Variants in MAP2 observed in about 807,000 individuals in gnomAD.
MAP2 encodes microtubule associated protein 2, also known as microtubule-associated protein 2.
MAP2 carries 14 observed loss-of-function variants against 137.6 expected under a neutral mutation model. That is an observed-to-expected ratio of 0.10 (90% CI 0.07 to 0.16). The LOEUF (loss-of-function observed/expected upper bound fraction) is 0.16. Ranked by LOEUF, MAP2 falls within the 10% of genes least tolerant of loss-of-function variation. The probability of loss-of-function intolerance (pLI) is 1.00; values close to 1 mark genes in which losing one functional copy is unlikely to be tolerated. For missense variants in MAP2, 2,088 were observed against 2,191.5 expected (o/e 0.95, Z 0.94); for synonymous variants, 786 against 782.3 (o/e 1.00, Z -0.08).
intron 1 of MAP2, among the ~76,000 whole-genome samples, chr2:209,441,998 A>G (rs1036975629): frequency 6.6e-6 from 1 of 151,542 alleles, no homozygotes; most frequent in Admixed American, 6.6e-5. Flanking sequence ...AAGATTATAC[A>G]TGTTTCCTCA....
chr2:209,565,364 C>T (rs907327746), intron 2 of MAP2, among the ~76,000 whole-genome samples: 2 of 151,946 alleles, frequency 1.3e-5, no homozygotes, highest in African/African-American at 4.8e-5. Flanking sequence ...ACTACAGGTA[C>T]ACACTACCAT....
rs769092768 is a variant in MAP2, at chr2:209,695,793, C to A, written c.3623C>A (p.Pro1208Gln). Residue 1208 changes from proline to glutamine, a missense_variant, in exon 8 of 16, where the codon CCA (proline) becomes CAA (glutamine). This residue lies in a region of MAP2 where 591 missense variants were observed against 642.6 expected (regional missense o/e 0.92). Transcript: ENST00000682079. ...QGPKEESKETPDISITPSDVA... is the reference protein window; with the variant it reads ...QGPKEESKETQDISITPSDVA... ...CCAAAAGAAGAAAGCAAAGAGACCC[C>A]AGATATATCCATCACGCCTTCTGAT... 3.7e-6 allele frequency: 6 copies of A among 1,613,822 alleles called. No individual in the cohort carries two copies. In the African/African-American group the frequency reaches 6.7e-5, roughly 18 times the overall value.
In MAP2 at chr2:209,527,387, A is replaced by G. The variant is rs1197675239; in HGVS notation, c.-172+19746A>G. On this transcript the variant is annotated intron_variant, in intron 2 of 15. Transcript: ENST00000682079. ...TAACATCTAGCCAAGTTTTTGGCAC[A>G]TCATAGTTGCTCAATAATATCTGTT... 2.6e-5 allele frequency among the ~76,000 whole-genome samples: 4 copies of G among 152,248 alleles called. No homozygotes were observed. In the East Asian group the frequency reaches 5.8e-4, roughly 22 times the overall value.
intron 4 of MAP2, among the ~76,000 whole-genome samples, chr2:209,631,092 G>A (rs747286329): frequency 7.3e-5 from 10 of 136,600 alleles, no homozygotes; most frequent in Non-Finnish European, 1.5e-4. Flanking sequence ...GACAAATCTA[G>A]AGACAGAACA....
chr2:209,490,175 A>G (rs768228705), intron 1 of MAP2, among the ~76,000 whole-genome samples: 1 of 152,192 alleles, frequency 6.6e-6, no homozygotes, highest in African/African-American at 2.4e-5. Flanking sequence ...AGCCAGCCAA[A>G]CTAAGCTTCA....
At chr2:209,571,220 T>C (rs1442845188) in intron 2 of MAP2, among the ~76,000 whole-genome samples, 1 of 151,924 alleles carries the variant, frequency 6.6e-6, no homozygotes, top group East Asian at 1.9e-4. Context: ...ATGAAGAACT[T>C]CTAAAACAAT....
At chr2:209,491,758 C>A (rs893216430) in intron 1 of MAP2, among the ~76,000 whole-genome samples, 2 of 152,092 alleles carry the variant, frequency 1.3e-5, no homozygotes, top group Admixed American at 6.6e-5. Flanking sequence ...GAAGTCGAAT[C>A]CCTGAATAGA....
chr2:209,695,977 T>C lies in MAP2; in HGVS notation c.3807T>C (p.Phe1269=). The C allele has an allele frequency of 6.2e-7, 1 of 1,614,144 alleles. No homozygotes were observed. Among genetic ancestry groups the C allele is most frequent in the Non-Finnish European group, 8.5e-7 (1 of 1,180,012 alleles). The change falls in exon 8 of 16, where the codon TTT becomes TTC. Residue 1269 remains phenylalanine, a synonymous_variant. Coordinates refer to ENST00000682079, the MANE Select transcript of MAP2 (RefSeq NM_001375505.1). Reference sequence around the variant, plus strand: ...GTGTCTCAGGTGCCAGGGAGGAATTTGTGGAGACCTGCCCAAGTGAACACA... The same window carrying C: ...GTGTCTCAGGTGCCAGGGAGGAATTCGTGGAGACCTGCCCAAGTGAACACA... ...DLGVSGAREE[F]VETCPSEHKG... is the part of the protein sequence containing the mutation.
intron 3 of MAP2, among the ~76,000 whole-genome samples, chr2:209,617,819 A>G (rs553806302): frequency 5.3e-5 from 8 of 152,186 alleles, no homozygotes; most frequent in Non-Finnish European, 8.8e-5. Context: ...AAGGGTATAA[A>G]TTAATAACTC....
At chr2:209,660,910 A>AT (rs1297790238) in intron 5 of MAP2, among the ~76,000 whole-genome samples, 3,033 of 110,116 alleles carry the variant, frequency 0.028, 69 homozygotes, top group African/African-American at 0.076. Context: ...AATTTTTTGT[A>AT]TTTTTTTTTT....
chr2:209,601,457 T>C (rs554140751), intron 3 of MAP2, among the ~76,000 whole-genome samples: 1 of 152,302 alleles, frequency 6.6e-6, no homozygotes, highest in East Asian at 1.9e-4. Context: ...AATACTGTGT[T>C]TTAAAGATAT....
intron 1 of MAP2, among the ~76,000 whole-genome samples, chr2:209,467,919 C>A (rs546691708): frequency 6.6e-6 from 1 of 152,232 alleles, no homozygotes; most frequent in African/African-American, 2.4e-5. Flanking sequence ...TGGAACAATG[C>A]CTAGCTCATA....
intron 6 of MAP2, 106 bp downstream of exon 6, chr2:209,678,791 C>G: frequency 1.9e-6 from 1 of 529,186 alleles, no homozygotes. Flanking sequence ...TTCATCCTTA[C>G]ATGTAACATT....
intron 4 of MAP2, among the ~76,000 whole-genome samples, chr2:209,638,450 C>T (rs1287181099): frequency 6.6e-6 from 1 of 152,100 alleles, no homozygotes; most frequent in Non-Finnish European, 1.5e-5. Flanking sequence ...CAGCACAACA[C>T]AAGCAGCCTG....
At chr2:209,582,055 T>C (rs2076546402) in intron 3 of MAP2, among the ~76,000 whole-genome samples, 1 of 152,104 alleles carries the variant, frequency 6.6e-6, no homozygotes. Context: ...CCTTTACTGA[T>C]TTCACTCATT....
At chr2:209,662,996 T>C (rs962210353) in intron 5 of MAP2, among the ~76,000 whole-genome samples, 2 of 152,156 alleles carry the variant, frequency 1.3e-5, no homozygotes, top group African/African-American at 4.8e-5. Flanking sequence ...TTTGATTATA[T>C]TACTTGTGTA....
At chr2:209,560,998 C>T (rs1370435697) in intron 2 of MAP2, among the ~76,000 whole-genome samples, 1 of 152,000 alleles carries the variant, frequency 6.6e-6, no homozygotes, top group Non-Finnish European at 1.5e-5. Context: ...GCAAAACAGC[C>T]CAGATGACCA....
At chr2:209,649,822 C>T (rs1184637306) in intron 4 of MAP2, among the ~76,000 whole-genome samples, 2 of 152,056 alleles carry the variant, frequency 1.3e-5, no homozygotes, top group African/African-American at 4.8e-5. Context: ...TTTAGGTAAT[C>T]GTTTTGATTT....
At position 209,670,659 on chromosome 2, in the gene MAP2, C is replaced by T. The variant is rs114079574; in HGVS notation, c.263-7913C>T. ...ACAAGATTGTGGGTTTGAGCATGTA[C>T]GTGGAGGTAGAGGAAAAAAAAGAGC... is the stretch of plus-strand genomic sequence containing the variant. On this transcript the variant is annotated intron_variant, in intron 5 of 15. Coordinates refer to ENST00000682079, the MANE Select transcript of MAP2 (RefSeq NM_001375505.1). 7.9e-3 allele frequency among the ~76,000 whole-genome samples: 1,196 copies of T among 151,596 alleles called. 17 individuals carry two copies. Among genetic ancestry groups the T allele is most frequent in the African/African-American group, 0.027 (1,104 of 41,352 alleles).
Sources: gnomAD v4.1 joint callset for allele counts (sites outside exome capture counted in the v4.1 genomes callset) on GRCh38, gnomAD v4.1.1 for gene constraint, gnomAD v4.1.1 regional missense constraint, MANE v1.5 for transcripts, NCBI Gene and HGNC (gene_info 2026-07-23, HGNC 2026-07-21) for gene names.